IQUB: variants seen among roughly 807,000 people sequenced by gnomAD.
The protein encoded by IQUB is IQ motif and ubiquitin-like domain-containing protein.
IQUB carries 86 observed loss-of-function variants against 86.4 expected under a neutral mutation model. The ratio of observed to expected loss-of-function variants is 1.00; its 90% CI spans 0.84 to 1.19. The LOEUF (loss-of-function observed/expected upper bound fraction) is 1.19, where lower values mean the gene tolerates loss of function less well. Ranked by LOEUF, IQUB falls within the 50% of genes most tolerant of loss-of-function variation. IQUB has a pLI of 0.00. For missense variants in IQUB, 946 were observed against 916.9 expected (o/e 1.03, Z -0.41); for synonymous variants, 289 against 304.5 (o/e 0.95, Z 0.53).
chr7:123,454,665 A>G (rs1306393500), intron 12 of IQUB, among the ~76,000 whole-genome samples: 1 of 152,144 alleles, frequency 6.6e-6, no homozygotes, highest in African/African-American at 2.4e-5. Flanking sequence ...GGGTGTACAA[A>G]TAGTTCTAAG....
At chr7:123,476,835 G>A (rs932751451) in intron 8 of IQUB, among the ~76,000 whole-genome samples, 4 of 151,868 alleles carry the variant, frequency 2.6e-5, no homozygotes, top group African/African-American at 9.7e-5. Context: ...GGTTTGGAAA[G>A]GAAGAAGTAA....
chr7:123,507,090 A>G (rs1185449774), intron 3 of IQUB, among the ~76,000 whole-genome samples: 1 of 152,188 alleles, frequency 6.6e-6, no homozygotes, highest in East Asian at 1.9e-4. Flanking sequence ...TGCAGTTAGG[A>G]ATGTGAACAC....
chr7:123,529,825 G>A (rs1797444574), intron 1 of IQUB, among the ~76,000 whole-genome samples: 2 of 150,730 alleles, frequency 1.3e-5, no homozygotes, highest in African/African-American at 4.9e-5. Flanking sequence ...ACAAGGTCAG[G>A]AGATCAAGAC....
At chr7:123,500,827 CA>C (rs375261699) in intron 6 of IQUB, among the ~76,000 whole-genome samples, 206 of 146,650 alleles carry the variant, frequency 1.4e-3, no homozygotes, top group African/African-American at 4.5e-3. Flanking sequence ...TTTAAAACTT[CA>C]AAAAAAAAAC....
chr7:123,511,833 G>A (rs1273487184), intron 2 of IQUB, 111 bp downstream of exon 2: 1 of 775,190 alleles, frequency 1.3e-6, no homozygotes, highest in South Asian at 2.2e-5. Context: ...AAGGGAAAGG[G>A]AAAGGAATAT....
intron 8 of IQUB, among the ~76,000 whole-genome samples, chr7:123,475,989 T>C (rs1327629361): frequency 1.3e-5 from 2 of 152,198 alleles, no homozygotes; most frequent in African/African-American, 4.8e-5. Context: ...AGTATCTACA[T>C]TACATAATTT....
At chr7:123,497,842 A>T (rs899443814) in intron 6 of IQUB, among the ~76,000 whole-genome samples, 32 of 151,528 alleles carry the variant, frequency 2.1e-4, no homozygotes, top group Non-Finnish European at 3.4e-4. Flanking sequence ...TAATTGAAGA[A>T]AGAGTCTGTA....
chr7:123,522,984 G>A (rs1288784538), intron 1 of IQUB, among the ~76,000 whole-genome samples: 1 of 149,792 alleles, frequency 6.7e-6, no homozygotes, highest in Non-Finnish European at 1.5e-5. Context: ...ATAGTTTACT[G>A]AGAATGATGA....
intron 3 of IQUB, among the ~76,000 whole-genome samples, chr7:123,508,570 C>G (rs1390752694): frequency 6.6e-6 from 1 of 152,142 alleles, no homozygotes; most frequent in East Asian, 1.9e-4. Flanking sequence ...AAGCCTGTTA[C>G]CCAGTGGTGA....
intron 7 of IQUB, among the ~76,000 whole-genome samples, chr7:123,484,475 T>C (rs1226956804): frequency 6.6e-6 from 1 of 152,078 alleles, no homozygotes; most frequent in Non-Finnish European, 1.5e-5. Context: ...ATTTATCTGA[T>C]ACAATTATAT....
intron 6 of IQUB, among the ~76,000 whole-genome samples, chr7:123,499,320 G>A (rs1321438264): frequency 2.6e-5 from 4 of 152,070 alleles, no homozygotes; most frequent in Admixed American, 6.6e-5. Flanking sequence ...AAGTTGCCGA[G>A]CTTGGTCTCC....
chr7:123,510,804 C>G (rs1473620261), intron 2 of IQUB, among the ~76,000 whole-genome samples: 1 of 151,918 alleles, frequency 6.6e-6, no homozygotes, highest in African/African-American at 2.4e-5. Flanking sequence ...CCACAGTTCT[C>G]TATCAACAAA....
At chr7:123,514,334 A>G (rs910269990) in intron 1 of IQUB, among the ~76,000 whole-genome samples, 7 of 152,212 alleles carry the variant, frequency 4.6e-5, no homozygotes, top group Admixed American at 6.5e-5. Flanking sequence ...AAGCATTTAC[A>G]AGTTAGTTAC....
At chr7:123,474,150 A>T (rs187799749) in intron 8 of IQUB, among the ~76,000 whole-genome samples, 55 of 152,372 alleles carry the variant, frequency 3.6e-4, no homozygotes, top group African/African-American at 1.2e-3. Flanking sequence ...TGGACTCAAA[A>T]AAGTGAAACT....
intron 8 of IQUB, among the ~76,000 whole-genome samples, chr7:123,477,769 A>C (rs1265483383): frequency 6.6e-6 from 1 of 152,184 alleles, no homozygotes; most frequent in African/African-American, 2.4e-5. Context: ...ACCCCATCAA[A>C]AAGTGGGCAT....
rs372053513 is a variant in IQUB at position 123,503,030 on chromosome 7, T to C, written c.781A>G (p.Thr261Ala). Residue 261 changes from threonine to alanine, a missense_variant, in exon 5 of 13, where the codon ACA (threonine) becomes GCA (alanine). Thr to Ala is a moderately conservative substitution (Grantham distance 58). Coordinates refer to ENST00000324698, the MANE Select transcript of IQUB (RefSeq NM_178827.5). ...CCAGCATTGTGATACTCTACTCCTG[T>C]TACTTTATGTCTGAATCCACCAAGA... ...PFLGGFRHKV[T>A]GVEYHNAGTQ... is the part of the protein sequence containing the mutation. The C allele has an allele frequency of 4.0e-5, 65 of 1,612,958 alleles. 1 individual carries two copies. Among genetic ancestry groups the C allele is most frequent in the Middle Eastern group, 3.3e-4 (2 of 6,078 alleles).
intron 1 of IQUB, among the ~76,000 whole-genome samples, chr7:123,518,000 T>C (rs1160588760): frequency 2.0e-5 from 3 of 152,230 alleles, no homozygotes; most frequent in African/African-American, 7.2e-5. Flanking sequence ...CCAGCTTGAA[T>C]GCCCACCAGG....
intron 7 of IQUB, among the ~76,000 whole-genome samples, chr7:123,486,920 G>A (rs1466203007): frequency 6.6e-6 from 1 of 152,128 alleles, no homozygotes; most frequent in Non-Finnish European, 1.5e-5. Flanking sequence ...TTGAGAAAAA[G>A]TTCTGCAGCA....
At chr7:123,471,800 T>C (rs1020187747) in intron 8 of IQUB, among the ~76,000 whole-genome samples, 2 of 152,196 alleles carry the variant, frequency 1.3e-5, no homozygotes, top group South Asian at 4.1e-4. Context: ...ATATCACTTG[T>C]ATGTGAAATC....
Sources: allele counts gnomAD v4.1 joint callset (sites outside exome capture counted in the v4.1 genomes callset), GRCh38; gene constraint gnomAD v4.1.1; transcripts MANE v1.5; gene names NCBI Gene and HGNC (gene_info 2026-07-23, HGNC 2026-07-21).